Variants in TSGA10 observed in about 807,000 individuals in gnomAD.
TSGA10 encodes testis-specific gene 10 protein.
A neutral mutation model predicts 96.6 loss-of-function variants in TSGA10; 43 were observed. The observed-to-expected ratio is 0.44, with a 90% confidence interval of 0.35 to 0.57. The LOEUF (loss-of-function observed/expected upper bound fraction) is 0.57. TSGA10 is among the 20% of genes least tolerant of loss of function. TSGA10 has a pLI of 0.01. For synonymous variants in TSGA10, 229 were observed against 269.9 expected, an observed-to-expected ratio of 0.85 and a Z score of 1.48; for missense variants, 703 against 834.4, an observed-to-expected ratio of 0.84 and a Z score of 1.94.
chr2:99,104,776 C>G (rs973896283), intron 9 of TSGA10, among the ~76,000 whole-genome samples: 2 of 152,098 alleles, frequency 1.3e-5, no homozygotes, highest in Non-Finnish European at 2.9e-5. Flanking sequence ...TGCCCAGCCC[C>G]TATCTCATAT....
chr2:99,120,406 A>C (rs1262946492), intron 2 of TSGA10, among the ~76,000 whole-genome samples: 2 of 152,080 alleles, frequency 1.3e-5, no homozygotes, highest in African/African-American at 4.8e-5. Context: ...CAGTTATGTA[A>C]TTGGGGAATT....
At chr2:99,000,610 C>G (rs1448517942) in intron 20 of TSGA10, among the ~76,000 whole-genome samples, 1 of 152,056 alleles carries the variant, frequency 6.6e-6, no homozygotes, top group Non-Finnish European at 1.5e-5. Context: ...TGGGTGATTT[C>G]TGCATTTCCA....
intron 7 of TSGA10, among the ~76,000 whole-genome samples, chr2:99,106,951 A>T (rs770308390): frequency 2.0e-5 from 3 of 152,172 alleles, no homozygotes; most frequent in Non-Finnish European, 4.4e-5. Flanking sequence ...TCCAAAGCTA[A>T]CTATTTAACT....
intron 10 of TSGA10, among the ~76,000 whole-genome samples, chr2:99,083,029 G>C (rs2087726073): frequency 6.6e-6 from 1 of 151,868 alleles, no homozygotes; most frequent in Non-Finnish European, 1.5e-5. Flanking sequence ...TCCTATATTA[G>C]AGCACAAATA....
At chr2:99,040,843 A>G (rs2082118751) in intron 16 of TSGA10, among the ~76,000 whole-genome samples, 1 of 152,208 alleles carries the variant, frequency 6.6e-6, no homozygotes, top group South Asian at 2.1e-4. Context: ...TTAATCTTCA[A>G]AGTTCGTCTT....
intron 20 of TSGA10, among the ~76,000 whole-genome samples, chr2:98,998,969 T>C (rs768524067): frequency 2.6e-5 from 4 of 152,200 alleles, no homozygotes; most frequent in Non-Finnish European, 5.9e-5. Flanking sequence ...TGATCTCAGC[T>C]TACTGCAACC....
chr2:99,131,412 T>C (rs2093077968), intron 1 of TSGA10, among the ~76,000 whole-genome samples: 1 of 152,106 alleles, frequency 6.6e-6, no homozygotes, highest in African/African-American at 2.4e-5. Context: ...CACTCATGAT[T>C]TGGCTGTTTG....
At chr2:99,138,031 G>A (rs2093397495) in intron 1 of TSGA10, among the ~76,000 whole-genome samples, 1 of 152,100 alleles carries the variant, frequency 6.6e-6, no homozygotes, top group African/African-American at 2.4e-5. Context: ...TGATTCTGCT[G>A]GCAACTTGGA....
intron 2 of TSGA10, among the ~76,000 whole-genome samples, chr2:99,120,619 T>G (rs900014492): frequency 2.0e-5 from 3 of 152,182 alleles, no homozygotes; most frequent in Non-Finnish European, 4.4e-5. Flanking sequence ...TTAAATAAGA[T>G]TCACAGGAAG....
In TSGA10 at chr2:99,141,135, C is replaced by G. The variant is rs977198906; in HGVS notation, c.-621+13558G>C. 2.8e-5 allele frequency: 36 copies of G among 1,276,758 alleles called. No homozygotes were observed. In the Admixed American group the frequency reaches 3.6e-4, roughly 13 times the overall value. The allele number at this position is 1,276,758 out of a possible 1,614,324, so 79.1% of individuals were successfully genotyped here. On this transcript the variant is annotated intron_variant, in intron 1 of 20. Transcript: ENST00000393483. Reference sequence around the variant, plus strand: ...CCTCGGCCCGCCGTCCTGCCCAGAGCTCATCCCCGCGACTGTCAGCTCTCG... The same window carrying G: ...CCTCGGCCCGCCGTCCTGCCCAGAGGTCATCCCCGCGACTGTCAGCTCTCG...
rs973041133 is a variant in TSGA10, at chr2:99,154,872, CCGCAGGCG to C, written c.-808_-801del. 3.9e-5 allele frequency: 14 copies of C among 357,592 alleles called. No homozygotes were observed. Among genetic ancestry groups the C allele is most frequent in the Middle Eastern group, 8.6e-4 (1 of 1,162 alleles). The allele number at this position is 357,592 out of a possible 1,614,324, so 22.2% of individuals were successfully genotyped here. ...TGCGGGCTGCCGGGACCCCACGGCTCCGCAGGCGGAGAGACTAGGCGCGATCCCTGCGC... is the reference window on the plus strand; with the variant it reads ...TGCGGGCTGCCGGGACCCCACGGCTCGAGAGACTAGGCGCGATCCCTGCGC... On this transcript the variant is annotated 5_prime_UTR_variant, in exon 1 of 21. Coordinates refer to ENST00000393483, the MANE Select transcript of TSGA10 (RefSeq NM_025244.4).
intron 12 of TSGA10, 127 bp from the exon 13 acceptor site, chr2:99,073,200 C>T (rs1040638424): frequency 1.7e-5 from 10 of 603,838 alleles, no homozygotes; most frequent in East Asian, 1.1e-4. Flanking sequence ...CATGTATGTC[C>T]TATTCTTTTC....
At chr2:99,064,615 G>A (rs934525173) in intron 16 of TSGA10, among the ~76,000 whole-genome samples, 4 of 152,194 alleles carry the variant, frequency 2.6e-5, no homozygotes, top group African/African-American at 9.6e-5. Flanking sequence ...TAAACAAGGA[G>A]ACATTTGAAG....
Position 99,018,342 on chromosome 2 carries a change from C to T in TSGA10, c.1930G>A (p.Ala644Thr), listed in dbSNP as rs1573511885. ...LGTERFERER[A>T]VQELRRQNYS... ...TTTTGGCGGCGAAGTTCTTGTACGG[C>T]CCTCTCCCTAAAGCAAAATAGTGAT... Residue 644 changes from alanine (A) to threonine (T), a missense_variant, in exon 20 of 21, where the codon GCC becomes ACC. Transcript: ENST00000393483. 6.2e-7 allele frequency: 1 copy of T among 1,613,992 alleles called. No individual in the cohort carries two copies. Among genetic ancestry groups the T allele is most frequent in the African/African-American group, 1.3e-5 (1 of 75,020 alleles).
chr2:99,089,439 C>T (rs968414038), intron 10 of TSGA10, among the ~76,000 whole-genome samples: 8 of 152,222 alleles, frequency 5.3e-5, no homozygotes, highest in Non-Finnish European at 1.0e-4. Flanking sequence ...AGTGCAGATG[C>T]AGGCAGGAGG....
chr2:99,102,862 G>C (rs1328728550), intron 10 of TSGA10: 1 of 790,442 alleles, frequency 1.3e-6, no homozygotes, highest in African/African-American at 1.7e-5. Flanking sequence ...CAGACTTAAA[G>C]CATCATAGTC....
chr2:99,129,323 C>T (rs1353942281), intron 1 of TSGA10, among the ~76,000 whole-genome samples: 2 of 152,176 alleles, frequency 1.3e-5, no homozygotes, highest in Admixed American at 6.5e-5. Context: ...TCCCCATTAA[C>T]CTGCACAGTT....
chr2:99,154,717 T>G lies in TSGA10; in HGVS notation c.-645A>C. On this transcript the variant is annotated 5_prime_UTR_variant, in exon 1 of 21. Transcript: ENST00000393483. Reference sequence around the variant, plus strand: ...CCTTCGCCCAGGGCTGGCCGTTATCTCTGTGCTGTCACGCGGGGAAGTCCC... The same window carrying G: ...CCTTCGCCCAGGGCTGGCCGTTATCGCTGTGCTGTCACGCGGGGAAGTCCC... 4.2e-6 allele frequency: 1 copy of G among 238,902 alleles called. No individual in the cohort carries two copies. The highest frequency in any genetic ancestry group is 3.9e-5 in the South Asian group (1 of 25,360). 14.8% of individuals were successfully genotyped at this position (238,902 alleles called of 1,614,324 possible). A position where few individuals can be genotyped will look rare whatever the true frequency, so the allele number is the denominator to read the frequency against.
chr2:99,073,434 T>A (rs1186393897), intron 12 of TSGA10, among the ~76,000 whole-genome samples: 1 of 152,196 alleles, frequency 6.6e-6, no homozygotes, highest in Non-Finnish European at 1.5e-5. Flanking sequence ...CATTTTATAC[T>A]GGGATTTAGA....
Sources: allele counts gnomAD v4.1 joint callset (sites outside exome capture counted in the v4.1 genomes callset), GRCh38; gene constraint gnomAD v4.1.1; transcripts MANE v1.5; gene names NCBI Gene and HGNC (gene_info 2026-07-23, HGNC 2026-07-21).